Variants in UBN1 observed in about 807,000 individuals in gnomAD.
UBN1 encodes ubinuclein 1.
Under a neutral mutation model 108.5 loss-of-function variants are expected in UBN1, and 17 were observed. The ratio of observed to expected loss-of-function variants is 0.16; its 90% confidence interval spans 0.11 to 0.24. UBN1 has a LOEUF of 0.24. Among genes scored for constraint, UBN1 ranks in the 10% least tolerant of loss-of-function variants. The pLI is 1.00. For synonymous variants in UBN1, 726 were observed against 564.2 expected, an observed-to-expected ratio of 1.29 and a Z score of -4.07; for missense variants, 1,595 against 1,394.4, an observed-to-expected ratio of 1.14 and a Z score of -2.29.
intron 7 of UBN1, among the ~76,000 whole-genome samples, chr16:4,863,085 T>A (rs928292381): frequency 6.6e-6 from 1 of 152,244 alleles, no homozygotes; most frequent in Non-Finnish European, 1.5e-5. Flanking sequence ...ATGGAAATTA[T>A]CCATCCGGCC....
chr16:4,875,465 C>A, intron 15 of UBN1, 31 bp downstream of exon 15: 1 of 1,578,248 alleles, frequency 6.3e-7, no homozygotes, highest in Non-Finnish European at 8.6e-7. Flanking sequence ...CCTGCCCTGC[C>A]CCACTCACAG....
Position 4,876,942 on chromosome 16 carries a change from A to G in UBN1, c.3096A>G (p.Pro1032=), listed in dbSNP as rs2087913266. The change falls in exon 16 of 18, where the codon CCA becomes CCG. Residue 1032 remains proline (P), a synonymous_variant. Transcript: ENST00000262376. ...CTTCACCCTACAAATCCAGCAGCCC[A>G]AAGCTGTCTGGGGCCATGAGCTCGA... ...LMASPYKSSS[P]KLSGAMSSNS... is the part of the protein sequence containing the mutation. The G allele has an allele frequency of 1.2e-6, 2 of 1,614,040 alleles. No homozygotes were observed. Among genetic ancestry groups the G allele is most frequent in the African/African-American group, 2.7e-5 (2 of 74,928 alleles).
At chr16:4,859,248 T>G in intron 5 of UBN1, 89 bp downstream of exon 5, 1 of 1,530,188 alleles carries the variant, frequency 6.5e-7, no homozygotes, top group East Asian at 2.3e-5. Flanking sequence ...TACGTGGCGC[T>G]TGGCCGGCTC....
chr16:4,859,605 C>A, intron 5 of UBN1, among the ~76,000 whole-genome samples: 1 of 152,182 alleles, frequency 6.6e-6, no homozygotes, highest in Non-Finnish European at 1.5e-5. Context: ...AGAGGTAGGG[C>A]CCACTTGTAA....
rs2088044060 is a variant in UBN1, at chr16:4,880,434, T to C, written c.*302T>C. On this transcript the variant is annotated 3_prime_UTR_variant, in exon 18 of 18. Coordinates refer to ENST00000262376, the MANE Select transcript of UBN1 (RefSeq NM_001079514.3). ...GGGCCGTGGTGGGAGGCACAGTGTT[T>C]ACAGGCTCTGGTGGCAGAGCAGTTG... 2 of 351,326 alleles carry C rather than the reference T, an allele frequency of 5.7e-6. No individual in the cohort carries two copies. Among genetic ancestry groups the C allele is most frequent in the African/African-American group, 2.0e-5 (1 of 49,346 alleles). The allele number at this position is 351,326 out of a possible 1,614,324, so 21.8% of individuals were successfully genotyped here. A position where few individuals can be genotyped will look rare whatever the true frequency, so the allele number is the denominator to read the frequency against.
Position 4,880,259 on chromosome 16 carries a change from C to A in UBN1, c.*127C>A. The A allele has an allele frequency of 8.8e-7, 1 of 1,141,576 alleles. No individual in the cohort carries two copies. The highest frequency in any genetic ancestry group is 1.3e-6 in the Non-Finnish European group (1 of 765,276). 70.7% of individuals were successfully genotyped at this position (1,141,576 alleles called of 1,614,324 possible). A position where few individuals can be genotyped will look rare whatever the true frequency, so the allele number is the denominator to read the frequency against. On this transcript the variant is annotated 3_prime_UTR_variant, in exon 18 of 18. Transcript: ENST00000262376. ...CTTCTGGAGGAGCGTGAGTTCTCAG[C>A]GGAGCGCTTCTCGGCACTTCTGATG...
intron 2 of UBN1, among the ~76,000 whole-genome samples, chr16:4,854,787 A>G (rs532716032): frequency 5.9e-5 from 9 of 151,796 alleles, no homozygotes; most frequent in Admixed American, 2.6e-4. Context: ...CAGTGGTGCA[A>G]TCTTGGCTCA....
rs187622081 is a variant in UBN1 at position 4,852,662 on chromosome 16, C to G, written c.-39-217C>G. ...GTCAAGGATCTAGGATACACATGCA[C>G]AGGAAAAAAGACTGGAAGTATGCTA... On this transcript the variant is annotated intron_variant, in intron 1 of 17. Coordinates refer to ENST00000262376, the MANE Select transcript of UBN1 (RefSeq NM_001079514.3). 5 of 388,336 alleles carry G rather than the reference C, an allele frequency of 1.3e-5. No individual in the cohort carries two copies. The East Asian group carries it at 2.8e-4, about 22-fold the overall frequency. 24.1% of individuals were successfully genotyped at this position (388,336 alleles called of 1,614,324 possible).
intron 7 of UBN1, among the ~76,000 whole-genome samples, chr16:4,863,903 T>C (rs1356634168): frequency 6.6e-6 from 1 of 151,978 alleles, no homozygotes; most frequent in Non-Finnish European, 1.5e-5. Context: ...GCAGGGCCCT[T>C]GAGAGCTAGC....
chr16:4,858,656 C>G lies in UBN1; in HGVS notation c.425C>G (p.Ser142Cys), dbSNP rs1722353028. Residue 142 changes from serine (S) to cysteine (C), a missense_variant, in exon 4 of 18, where the codon TCT becomes TGT. This residue lies in a region of UBN1 where 16 missense variants were observed against 42.4 expected (regional missense o/e 0.38). Coordinates refer to ENST00000262376, the MANE Select transcript of UBN1 (RefSeq NM_001079514.3). ...GAATCCGACTCCTTCATCGATAACTCTGAGGCGGTAAGTAGTTACTGAAAA... is the reference window on the plus strand; with the variant it reads ...GAATCCGACTCCTTCATCGATAACTGTGAGGCGGTAAGTAGTTACTGAAAA... ...YDESDSFIDN[S>C]EAYDELVPAS... 1 of 1,613,942 alleles carries G rather than the reference C, an allele frequency of 6.2e-7. No individual in the cohort carries two copies. Among genetic ancestry groups the G allele is most frequent in the African/African-American group, 1.3e-5 (1 of 74,884 alleles).
At chr16:4,858,432 G>A (rs907419247) in intron 3 of UBN1, 136 bp from the exon 4 acceptor site, 1 of 733,434 alleles carries the variant, frequency 1.4e-6, no homozygotes, top group Admixed American at 2.5e-5. Flanking sequence ...AGGTTTTGGG[G>A]TTTGTGTGTA....
chr16:4,876,895 C>T lies in UBN1; in HGVS notation c.3049C>T (p.Leu1017=), dbSNP rs2087911737. The change falls in exon 16 of 18, where the codon CTG becomes TTG. Residue 1017 remains leucine, a synonymous_variant. Coordinates refer to ENST00000262376, the MANE Select transcript of UBN1 (RefSeq NM_001079514.3). Reference sequence around the variant, plus strand: ...GAAAGGAGCGAGTGGGACTGTGCTGCTGGCCGGCTCCTCTTTGATGGCTTC... The same window carrying T: ...GAAAGGAGCGAGTGGGACTGTGCTGTTGGCCGGCTCCTCTTTGATGGCTTC... ...LSKGASGTVL[L]AGSSLMASPY... is the part of the protein sequence containing the mutation. 2 of 1,610,796 alleles carry T rather than the reference C, an allele frequency of 1.2e-6. No individual in the cohort carries two copies. The highest frequency in any genetic ancestry group is 2.2e-5 in the East Asian group (1 of 44,876).
intron 17 of UBN1, 42 bp from the exon 18 acceptor site, chr16:4,880,041 G>T: frequency 6.2e-7 from 1 of 1,609,522 alleles, no homozygotes; most frequent in Non-Finnish European, 8.5e-7. Flanking sequence ...AAATCAGAGA[G>T]CATGAAAAAC....
At chr16:4,879,229 A>G (rs1378838894) in intron 17 of UBN1, among the ~76,000 whole-genome samples, 1 of 152,228 alleles carries the variant, frequency 6.6e-6, no homozygotes, top group Non-Finnish European at 1.5e-5. Flanking sequence ...GTGACACTAC[A>G]CATTTTAGAT....
At chr16:4,863,367 C>T (rs2087162768) in intron 7 of UBN1, among the ~76,000 whole-genome samples, 1 of 152,056 alleles carries the variant, frequency 6.6e-6, no homozygotes, top group South Asian at 2.1e-4. Flanking sequence ...TGCTCAGGAC[C>T]CCTGATCCCA....
chr16:4,875,661 A>G (rs1193205246), intron 15 of UBN1, among the ~76,000 whole-genome samples: 1 of 152,134 alleles, frequency 6.6e-6, no homozygotes, highest in Non-Finnish European at 1.5e-5. Flanking sequence ...GGGCAGAGGG[A>G]CCTAAAGGAT....
chr16:4,865,270 T>A (rs1267761061), intron 7 of UBN1, among the ~76,000 whole-genome samples: 1 of 152,212 alleles, frequency 6.6e-6, no homozygotes, highest in Non-Finnish European at 1.5e-5. Flanking sequence ...TCTATGCAAT[T>A]CAAAAGGTTT....
chr16:4,860,745 A>C lies in UBN1; in HGVS notation c.753A>C (p.Lys251Asn), dbSNP rs947696183. The C allele has an allele frequency of 1.2e-6, 2 of 1,614,258 alleles. No individual in the cohort carries two copies. The highest frequency in any genetic ancestry group is 8.5e-7 in the Non-Finnish European group (1 of 1,180,046). ...TAAGCGTTAAAGAGATGCTAAAGAAATTTCAGAAAGAGAAAGAGGCTCAGA... is the reference window on the plus strand; with the variant it reads ...TAAGCGTTAAAGAGATGCTAAAGAACTTTCAGAAAGAGAAAGAGGCTCAGA... ...GALSVKEMLKKFQKEKEAQKK... is the reference protein window; with the variant it reads ...GALSVKEMLKNFQKEKEAQKK... Residue 251 changes from lysine (K) to asparagine (N), a missense_variant, in exon 7 of 18, where the codon AAA (lysine) becomes AAC (asparagine). Physicochemically the swap from Lys to Asn is moderately conservative, Grantham distance 94. Around this residue, in one of 3 missense-constraint regions of UBN1, gnomAD observed 1,398 missense variants for 1,194.7 expected, o/e 1.17. Transcript: ENST00000262376.
At chr16:4,859,658 T>G (rs1241774178) in intron 5 of UBN1, among the ~76,000 whole-genome samples, 1 of 152,234 alleles carries the variant, frequency 6.6e-6, no homozygotes, top group African/African-American at 2.4e-5. Flanking sequence ...TGGTCACTGT[T>G]GTCTCAGCCC....
Sources: allele counts gnomAD v4.1 joint callset (sites outside exome capture counted in the v4.1 genomes callset), GRCh38; gene constraint gnomAD v4.1.1; regional missense constraint gnomAD v4.1.1; transcripts MANE v1.5; gene names NCBI Gene and HGNC (gene_info 2026-07-23, HGNC 2026-07-21).